DOCK2: variants seen among roughly 807,000 people sequenced by gnomAD.
DOCK2 encodes dedicator of cytokinesis protein 2.
In DOCK2, 87 loss-of-function variants were observed where a neutral mutation model predicts 248.9. The ratio of observed to expected loss-of-function variants is 0.35; its 90% CI spans 0.29 to 0.42. The LOEUF (loss-of-function observed/expected upper bound fraction) is 0.42, where lower values mean the gene tolerates loss of function less well. Ranked by LOEUF, DOCK2 falls within the 10% of genes least tolerant of loss-of-function variation. The probability of loss-of-function intolerance (pLI) is 1.00; values close to 1 mark genes in which losing one functional copy is unlikely to be tolerated. For synonymous variants in DOCK2, 805 were observed against 821.6 expected (o/e 0.98, Z 0.35); for missense variants, 1,747 against 2,300.2 (o/e 0.76, Z 4.92).
intron 20 of DOCK2, among the ~76,000 whole-genome samples, chr5:169,716,885 TA>T (rs1223707377): frequency 1.3e-5 from 2 of 152,250 alleles, no homozygotes; most frequent in African/African-American, 2.4e-5. Flanking sequence ...ACAAAGTTTT[TA>T]AGTGTTAACC....
At chr5:169,687,176 G>A (rs979951322) in intron 8 of DOCK2, among the ~76,000 whole-genome samples, 6 of 152,114 alleles carry the variant, frequency 3.9e-5, no homozygotes, top group Admixed American at 2.0e-4. Flanking sequence ...ATATATCTAA[G>A]CATTTCACTA....
At chr5:169,803,020 G>A in intron 25 of DOCK2, 38 bp from the exon 26 acceptor site, 1 of 1,594,878 alleles carries the variant, frequency 6.3e-7, no homozygotes, top group Non-Finnish European at 8.5e-7. Flanking sequence ...ACTAAAAAAT[G>A]AGGAATTCTA....
intron 30 of DOCK2, among the ~76,000 whole-genome samples, chr5:170,008,141 G>A (rs2042238): frequency 2.6e-5 from 4 of 150,990 alleles, no homozygotes; most frequent in South Asian, 2.1e-4. Flanking sequence ...TCCACAGCAC[G>A]CAGCTAGGGC....
At chr5:169,773,469 T>A (rs1581168764) in intron 25 of DOCK2, among the ~76,000 whole-genome samples, 3 of 150,778 alleles carry the variant, frequency 2.0e-5, no homozygotes, top group African/African-American at 7.4e-5. Flanking sequence ...TGTGTGTGTG[T>A]AATTTACCTC....
At chr5:169,968,052 G>A (rs1182419595) in intron 27 of DOCK2, among the ~76,000 whole-genome samples, 1 of 152,196 alleles carries the variant, frequency 6.6e-6, no homozygotes, top group South Asian at 2.1e-4. Flanking sequence ...GAGGAAGTTG[G>A]ATGCTGGATG....
At chr5:170,068,162 A>C (rs969817151) in intron 45 of DOCK2, among the ~76,000 whole-genome samples, 12 of 152,222 alleles carry the variant, frequency 7.9e-5, no homozygotes, top group Non-Finnish European at 1.5e-4. Context: ...TCTAGATATC[A>C]AGGTCATAAG....
Position 169,716,307 on chromosome 5 carries a change from G to A in DOCK2, c.2031+5G>A. 1.2e-6 allele frequency: 2 copies of A among 1,613,234 alleles called. No homozygotes were observed. Among genetic ancestry groups the A allele is most frequent in the Non-Finnish European group, 1.7e-6 (2 of 1,179,352 alleles). ...ATCCTCGTCTTTGATGCCTTGGTAAGAGAGAGGGGAAAAGTGTCTAGTGAC... is the reference window on the plus strand; with the variant it reads ...ATCCTCGTCTTTGATGCCTTGGTAAAAGAGAGGGGAAAAGTGTCTAGTGAC... On this transcript the variant is annotated splice_donor_5th_base_variant and intron_variant, in intron 20 of 51. Coordinates refer to ENST00000520908, the MANE Select transcript of DOCK2 (RefSeq NM_004946.3).
At chr5:169,744,503 C>T (rs1763496387) in intron 22 of DOCK2, among the ~76,000 whole-genome samples, 1 of 152,114 alleles carries the variant, frequency 6.6e-6, no homozygotes, top group African/African-American at 2.4e-5. Flanking sequence ...GCTGGCTCTA[C>T]TCTGCCAAGT....
intron 37 of DOCK2, 77 bp downstream of exon 37, chr5:170,041,222 G>GAA: frequency 1.6e-6 from 2 of 1,282,556 alleles, no homozygotes; most frequent in Non-Finnish European, 2.2e-6. Flanking sequence ...AGTGAAAAAA[G>GAA]AAAAAAAAGA....
chr5:169,806,919 C>T (rs1290537466), intron 26 of DOCK2, among the ~76,000 whole-genome samples: 2 of 145,446 alleles, frequency 1.4e-5, no homozygotes, highest in African/African-American at 5.0e-5. Flanking sequence ...AATTATTCTC[C>T]GCCCTCCTCA....
chr5:169,876,574 A>T (rs531164854), intron 27 of DOCK2, among the ~76,000 whole-genome samples: 2 of 152,188 alleles, frequency 1.3e-5, no homozygotes, highest in Admixed American at 6.5e-5. Flanking sequence ...TCAATGTCCT[A>T]TGAAAGTGCA....
chr5:169,810,213 T>C (rs1244712404), intron 26 of DOCK2, among the ~76,000 whole-genome samples: 1 of 152,094 alleles, frequency 6.6e-6, no homozygotes, highest in African/African-American at 2.4e-5. Flanking sequence ...TCTTTTTGCC[T>C]TCTTTTCTTG....
Position 169,893,362 on chromosome 5 carries a change from G to A in DOCK2, c.2799+52510G>A, listed in dbSNP as rs181337207. 4.3e-3 allele frequency among the ~76,000 whole-genome samples: 654 copies of A among 152,174 alleles called. 7 individuals carry two copies. The highest frequency in any genetic ancestry group is 0.015 in the African/African-American group (614 of 41,514). On this transcript the variant is annotated intron_variant, in intron 27 of 51. Transcript: ENST00000520908. ...TCATCCAGCTTCTCATAGAAGAAAG[G>A]GCATTGGCTTAATATTATCTCTGTA...
At chr5:169,747,343 T>C in intron 22 of DOCK2, 53 bp from the exon 23 acceptor site, 1 of 1,539,738 alleles carries the variant, frequency 6.5e-7, no homozygotes, top group Non-Finnish European at 8.8e-7. Flanking sequence ...GTACACACTT[T>C]TAAAAGTATT....
chr5:169,830,493 C>T (rs967848424), intron 26 of DOCK2, among the ~76,000 whole-genome samples: 5 of 152,010 alleles, frequency 3.3e-5, no homozygotes, highest in African/African-American at 9.7e-5. Flanking sequence ...TATTTTTTTG[C>T]ACCTCATAAA....
intron 27 of DOCK2, among the ~76,000 whole-genome samples, chr5:169,909,073 A>G (rs1774451278): frequency 6.6e-6 from 1 of 152,198 alleles, no homozygotes. Flanking sequence ...GCCTGCTTTC[A>G]GTAGCTGCTG....
chr5:170,002,352 G>A (rs1320303315), intron 30 of DOCK2, among the ~76,000 whole-genome samples: 1 of 152,090 alleles, frequency 6.6e-6, no homozygotes, highest in Admixed American at 6.5e-5. Context: ...AAGCAGATCT[G>A]TATATGCTAA....
chr5:169,835,880 C>T (rs1211934871), intron 26 of DOCK2, among the ~76,000 whole-genome samples: 2 of 151,944 alleles, frequency 1.3e-5, no homozygotes, highest in East Asian at 1.9e-4. Context: ...TCAGCCTCCC[C>T]GATAGCTGGG....
intron 23 of DOCK2, among the ~76,000 whole-genome samples, chr5:169,753,917 T>G (rs1764048426): frequency 6.6e-6 from 1 of 152,222 alleles, no homozygotes; most frequent in African/African-American, 2.4e-5. Context: ...TGGACCTTGA[T>G]CATCCACTGC....
Sources: allele counts gnomAD v4.1 joint callset (sites outside exome capture counted in the v4.1 genomes callset), GRCh38; gene constraint gnomAD v4.1.1; transcripts MANE v1.5; gene names NCBI Gene and HGNC (gene_info 2026-07-23, HGNC 2026-07-21).